Variants in LRRTM4 observed in about 807,000 individuals in gnomAD.
The protein encoded by LRRTM4 is leucine rich repeat transmembrane neuronal 4, also known as leucine-rich repeat transmembrane neuronal protein 4.
Under a neutral mutation model 47.6 loss-of-function variants are expected in LRRTM4, and 25 were observed. The observed-to-expected ratio is 0.53, with a 90% confidence interval of 0.38 to 0.73. The LOEUF (loss-of-function observed/expected upper bound fraction) is 0.73. Among genes scored for constraint, LRRTM4 ranks in the 30% least tolerant of loss-of-function variants. The probability of loss-of-function intolerance (pLI) is 0.00; values close to 1 mark genes in which losing one functional copy is unlikely to be tolerated. For synonymous variants in LRRTM4, 311 were observed against 269.5 expected, an observed-to-expected ratio of 1.15 and a Z score of -1.51; for missense variants, 638 against 713.4, an observed-to-expected ratio of 0.89 and a Z score of 1.20.
chr2:77,498,099 A>G (rs2104066826), intron 3 of LRRTM4, among the ~76,000 whole-genome samples: 1 of 152,028 alleles, frequency 6.6e-6, no homozygotes, highest in South Asian at 2.1e-4. Flanking sequence ...AGAGAGAAGA[A>G]AAAAATATTA....
chr2:77,161,843 T>C (rs547181968), intron 3 of LRRTM4, among the ~76,000 whole-genome samples: 1 of 152,284 alleles, frequency 6.6e-6, no homozygotes, highest in South Asian at 2.1e-4. Flanking sequence ...ATTAAAACTC[T>C]AGTATTTTGA....
At chr2:76,790,620 C>T (rs1037900283) in intron 3 of LRRTM4, among the ~76,000 whole-genome samples, 1 of 152,020 alleles carries the variant, frequency 6.6e-6, no homozygotes, top group Non-Finnish European at 1.5e-5. Flanking sequence ...AAAATAATTC[C>T]CATTGCTATT....
chr2:77,020,583 C>G (rs1382741368), intron 3 of LRRTM4, among the ~76,000 whole-genome samples: 1 of 147,326 alleles, frequency 6.8e-6, no homozygotes, highest in African/African-American at 2.6e-5. Context: ...GATATAAACA[C>G]AAATTACACA....
intron 3 of LRRTM4, among the ~76,000 whole-genome samples, chr2:77,146,004 G>A (rs775084536): frequency 7.2e-5 from 11 of 151,976 alleles, no homozygotes; most frequent in Non-Finnish European, 8.8e-5. Context: ...ACCTCCACCT[G>A]CTTCAGGTTG....
At chr2:77,061,105 GTT>G (rs36044505) in intron 3 of LRRTM4, among the ~76,000 whole-genome samples, 5 of 145,900 alleles carry the variant, frequency 3.4e-5, no homozygotes, top group Admixed American at 6.9e-5. Flanking sequence ...AGCCATTAGA[GTT>G]TTTTTTTTTT....
chr2:76,811,328 A>G (rs771568263), intron 3 of LRRTM4, among the ~76,000 whole-genome samples: 18 of 152,186 alleles, frequency 1.2e-4, no homozygotes, highest in Non-Finnish European at 2.2e-4. Context: ...ATTTTATCCA[A>G]TTATGTAGTT....
chr2:77,395,335 C>T (rs1485055286), intron 3 of LRRTM4, among the ~76,000 whole-genome samples: 1 of 151,880 alleles, frequency 6.6e-6, no homozygotes, highest in African/African-American at 2.4e-5. Flanking sequence ...TTTAGTCTTA[C>T]TTCATGTGTA....
intron 3 of LRRTM4, among the ~76,000 whole-genome samples, chr2:77,003,778 G>A (rs1677527627): frequency 6.6e-6 from 1 of 151,678 alleles, no homozygotes; most frequent in Non-Finnish European, 1.5e-5. Context: ...CTGGGCAACA[G>A]GCAGAGGTTG....
At chr2:77,161,861 T>G (rs1265674783) in intron 3 of LRRTM4, among the ~76,000 whole-genome samples, 1 of 152,216 alleles carries the variant, frequency 6.6e-6, no homozygotes, top group African/African-American at 2.4e-5. Context: ...TGAGGTTAAT[T>G]AATTGTCTAG....
chr2:76,892,206 G>T (rs1268317219), intron 3 of LRRTM4, among the ~76,000 whole-genome samples: 1 of 150,468 alleles, frequency 6.6e-6, no homozygotes, highest in Non-Finnish European at 1.5e-5. Context: ...AAATAGAAAT[G>T]GTTTAAAACT....
At chr2:76,934,634 G>C (rs77393469) in intron 3 of LRRTM4, among the ~76,000 whole-genome samples, 37 of 152,122 alleles carry the variant, frequency 2.4e-4, no homozygotes, top group Admixed American at 2.4e-3. Flanking sequence ...GTATCAGTAC[G>C]ATGTCCCTGA....
intron 3 of LRRTM4, among the ~76,000 whole-genome samples, chr2:77,070,779 C>T (rs1573528596): frequency 6.6e-6 from 1 of 152,028 alleles, no homozygotes. Flanking sequence ...TACAGGCACG[C>T]ACTACCATGC....
chr2:77,203,861 G>A (rs1006281353), intron 3 of LRRTM4, among the ~76,000 whole-genome samples: 1 of 152,132 alleles, frequency 6.6e-6, no homozygotes, highest in Non-Finnish European at 1.5e-5. Flanking sequence ...ATATCTATAA[G>A]AGAATTAAAA....
intron 3 of LRRTM4, among the ~76,000 whole-genome samples, chr2:76,791,873 CA>C (rs1674993908): frequency 6.6e-6 from 1 of 152,144 alleles, no homozygotes. Flanking sequence ...AATAGACTTT[CA>C]AACCCCAGAG....
chr2:77,344,728 T>C (rs114178033), intron 3 of LRRTM4, among the ~76,000 whole-genome samples: 1,738 of 151,714 alleles, frequency 0.011, 41 homozygotes, highest in African/African-American at 0.041. Context: ...AGCAAATAAG[T>C]CTATGCTGAG....
chr2:77,121,622 T>G (rs920482846), intron 3 of LRRTM4, among the ~76,000 whole-genome samples: 3 of 151,774 alleles, frequency 2.0e-5, no homozygotes, highest in Admixed American at 1.3e-4. Context: ...TTGGTGCAAA[T>G]AAATTATCAC....
At chr2:77,218,875 A>T (rs1255406458) in intron 3 of LRRTM4, among the ~76,000 whole-genome samples, 2 of 152,184 alleles carry the variant, frequency 1.3e-5, no homozygotes, top group Non-Finnish European at 2.9e-5. Context: ...TACAAAAAAA[A>T]TTAAAACAAA....
intron 3 of LRRTM4, among the ~76,000 whole-genome samples, chr2:77,363,354 G>C (rs1037886428): frequency 6.6e-6 from 1 of 152,108 alleles, no homozygotes; most frequent in African/African-American, 2.4e-5. Context: ...TAAAACTGTA[G>C]TCAAGAAAGC....
chr2:77,306,886 T>C (rs1269666800), intron 3 of LRRTM4, among the ~76,000 whole-genome samples: 1 of 148,086 alleles, frequency 6.8e-6, no homozygotes, highest in African/African-American at 2.6e-5. Flanking sequence ...AGCTATATAC[T>C]GCTTTTCCAT....
Sources: allele counts gnomAD v4.1 joint callset (sites outside exome capture counted in the v4.1 genomes callset), GRCh38; gene constraint gnomAD v4.1.1; transcripts MANE v1.5; gene names NCBI Gene and HGNC (gene_info 2026-07-23, HGNC 2026-07-21).